The following FTCDNL1 variants were observed in gnomAD, a reference collection of about 807,000 sequenced individuals.
FTCDNL1 encodes the protein formiminotransferase cyclodeaminase N-terminal like.
FTCDNL1 carries 11 observed loss-of-function variants against 5.9 expected under a neutral mutation model. The observed-to-expected ratio is 1.87, with a 90% CI of 1.18 to 3.10. FTCDNL1 has a LOEUF of 3.10. Ranked by LOEUF, FTCDNL1 falls within the 30% of genes most tolerant of loss-of-function variation. The pLI is 0.00. For missense variants in FTCDNL1, 115 were observed against 65.5 expected (o/e 1.76, Z -2.61); for synonymous variants, 58 against 24.8 (o/e 2.34, Z -3.99).
intron 3 of FTCDNL1, among the ~76,000 whole-genome samples, chr2:199,800,405 C>T (rs770866703): frequency 3.9e-5 from 6 of 152,144 alleles, no homozygotes; most frequent in Non-Finnish European, 8.8e-5. Flanking sequence ...GTACTCAGCA[C>T]ACGGCCAGGT....
At chr2:199,793,635 A>T (rs537333814) in intron 3 of FTCDNL1, among the ~76,000 whole-genome samples, 46 of 152,284 alleles carry the variant, frequency 3.0e-4, no homozygotes, top group African/African-American at 7.9e-4. Flanking sequence ...TTACATTTTT[A>T]AAAAAAGCTG....
the FTCDNL1 span, among the ~76,000 whole-genome samples, chr2:199,749,455 A>G: frequency 1.3e-5 from 2 of 152,136 alleles, no homozygotes; most frequent in African/African-American, 2.4e-5. Context: ...GTATGACACA[A>G]CTGAACTCAC....
chr2:199,755,645 T>C (rs905756795), downstream of FTCDNL1, among the ~76,000 whole-genome samples: 1 of 152,216 alleles, frequency 6.6e-6, no homozygotes, highest in African/African-American at 2.4e-5. Flanking sequence ...CTATTGTTAC[T>C]TTTATTATTA....
At chr2:199,721,841 C>T in the FTCDNL1 span, among the ~76,000 whole-genome samples, 3 of 152,266 alleles carry the variant, frequency 2.0e-5, no homozygotes, top group East Asian at 3.9e-4. Context: ...GATGGTATCT[C>T]ATTGTGGTTT....
intron 3 of FTCDNL1, among the ~76,000 whole-genome samples, chr2:199,775,689 C>T (rs909811299): frequency 2.6e-5 from 4 of 152,132 alleles, no homozygotes; most frequent in Non-Finnish European, 5.9e-5. Context: ...CCTCTTTCCA[C>T]AACCTAGTTT....
chr2:199,735,091 A>G, the FTCDNL1 span, among the ~76,000 whole-genome samples: 1 of 150,484 alleles, frequency 6.6e-6, no homozygotes, highest in Non-Finnish European at 1.5e-5. Flanking sequence ...CCTGATAGTC[A>G]AACAAACAAA....
the FTCDNL1 span, among the ~76,000 whole-genome samples, chr2:199,748,829 T>G: frequency 4.6e-5 from 7 of 152,266 alleles, no homozygotes; most frequent in African/African-American, 1.7e-4. Context: ...TCCCTCTGGA[T>G]TCTGACATGA....
Position 199,784,506 on chromosome 2 carries a change from T to G in FTCDNL1, c.212-23671A>C, listed in dbSNP as rs77385365. 7.3e-3 allele frequency among the ~76,000 whole-genome samples: 1,116 copies of G among 152,138 alleles called. 10 individuals are homozygous for G. The highest frequency in any genetic ancestry group is 0.026 in the African/African-American group (1,060 of 41,490). On this transcript the variant is annotated intron_variant, in intron 3 of 3. Coordinates refer to the FTCDNL1 transcript ENST00000416668. ...GAAAACAGACTCTGAGGCTCTGAGATTTGCATGCCAGAGGTTTATTGGGGA... is the reference window on the plus strand; with the variant it reads ...GAAAACAGACTCTGAGGCTCTGAGAGTTGCATGCCAGAGGTTTATTGGGGA...
the FTCDNL1 span, among the ~76,000 whole-genome samples, chr2:199,726,807 G>T: frequency 6.6e-6 from 1 of 152,168 alleles, no homozygotes; most frequent in African/African-American, 2.4e-5. Context: ...TCCCAGAGGG[G>T]CACCAAGCTG....
chr2:199,770,554 A>G (rs1258563190), intron 3 of FTCDNL1, among the ~76,000 whole-genome samples: 1 of 152,164 alleles, frequency 6.6e-6, no homozygotes, highest in Non-Finnish European at 1.5e-5. Context: ...CAAAAACAGC[A>G]TATATTTGTT....
the FTCDNL1 span, among the ~76,000 whole-genome samples, chr2:199,665,290 G>A: frequency 2.6e-5 from 4 of 151,986 alleles, no homozygotes; most frequent in Admixed American, 6.6e-5. Flanking sequence ...TCTTCAGGTA[G>A]GCAAAAAGGC....
chr2:199,752,439 A>G, the FTCDNL1 span, among the ~76,000 whole-genome samples: 8 of 152,140 alleles, frequency 5.3e-5, no homozygotes, highest in African/African-American at 1.7e-4. Context: ...GTGTTTTTGG[A>G]TGGGATTTAC....
At chr2:199,693,473 G>T in the FTCDNL1 span, among the ~76,000 whole-genome samples, 1 of 152,254 alleles carries the variant, frequency 6.6e-6, no homozygotes, top group East Asian at 1.9e-4. Flanking sequence ...TGTGATAAGT[G>T]CATTGAGTGA....
the FTCDNL1 span, among the ~76,000 whole-genome samples, chr2:199,668,585 G>A: frequency 2.0e-5 from 3 of 152,100 alleles, no homozygotes; most frequent in Non-Finnish European, 4.4e-5. Context: ...GAGGAAGTAA[G>A]GAACCAAGAG....
chr2:199,790,620 C>T (rs1485666483), intron 3 of FTCDNL1, among the ~76,000 whole-genome samples: 1 of 151,826 alleles, frequency 6.6e-6, no homozygotes, highest in Non-Finnish European at 1.5e-5. Context: ...AATGCCTATT[C>T]AAATATATGA....
the FTCDNL1 span, among the ~76,000 whole-genome samples, chr2:199,675,401 T>C: frequency 6.6e-6 from 1 of 152,182 alleles, no homozygotes; most frequent in Non-Finnish European, 1.5e-5. Context: ...CAATATGCTG[T>C]ACTTTTAAAA....
the FTCDNL1 span, among the ~76,000 whole-genome samples, chr2:199,679,228 G>A: frequency 6.6e-6 from 1 of 151,926 alleles, no homozygotes; most frequent in Non-Finnish European, 1.5e-5. Flanking sequence ...TGAATTGTCT[G>A]TTCTTCCCTT....
At chr2:199,760,214 A>C (rs955248451), downstream of FTCDNL1, among the ~76,000 whole-genome samples, 4 of 145,016 alleles carry the variant, frequency 2.8e-5, no homozygotes, top group African/African-American at 7.3e-5. Context: ...ACTAAAAAAA[A>C]AAAAACAAAA....
Position 199,782,474 on chromosome 2 carries a change from G to A in FTCDNL1, c.212-21639C>T, listed in dbSNP as rs543526858. Among the ~76,000 whole-genome samples the A allele has an allele frequency of 1.1e-4, 17 of 152,290 alleles. No individual in the cohort carries two copies. In the South Asian group the frequency reaches 3.1e-3, roughly 28 times the overall value. On this transcript the variant is annotated intron_variant, in intron 3 of 3. Coordinates refer to the FTCDNL1 transcript ENST00000416668. ...TTTCAATTTACTATTTTGATTGAGG[G>A]GGAAAGTTTCAAAGGATTCCACATA...
Sources: gnomAD v4.1 joint callset for allele counts (sites outside exome capture counted in the v4.1 genomes callset) on GRCh38, gnomAD v4.1.1 for gene constraint, MANE v1.5 for transcripts, NCBI Gene and HGNC (gene_info 2026-07-23, HGNC 2026-07-21) for gene names.